The following DISP1 variants were observed in gnomAD, a reference collection of about 807,000 sequenced individuals.
DISP1 encodes dispatched RND transporter family member 1.
In DISP1, 30 loss-of-function variants were observed where a neutral mutation model predicts 37.3. That is an observed-to-expected ratio of 0.80 (90% confidence interval 0.60 to 1.09). The LOEUF (loss-of-function observed/expected upper bound fraction) is 1.09, where lower values mean the gene tolerates loss of function less well. DISP1 is among the 50% of genes least tolerant of loss of function. The pLI, the probability that DISP1 is intolerant of heterozygous loss-of-function variation, is 0.00. For synonymous variants in DISP1, 634 were observed against 690.2 expected, an observed-to-expected ratio of 0.92 and a Z score of 1.28; for missense variants, 1,598 against 1,879.5, an observed-to-expected ratio of 0.85 and a Z score of 2.77.
intron 3 of DISP1, among the ~76,000 whole-genome samples, chr1:222,978,572 GT>G (rs1482165355): frequency 1.3e-5 from 2 of 152,148 alleles, no homozygotes; most frequent in Non-Finnish European, 2.9e-5. Flanking sequence ...TGCTTTTGGT[GT>G]TTTAGACATG....
At chr1:222,983,603 C>A (rs1678005299) in intron 4 of DISP1, among the ~76,000 whole-genome samples, 1 of 151,714 alleles carries the variant, frequency 6.6e-6, no homozygotes, top group South Asian at 2.1e-4. Context: ...GGGGACAGAG[C>A]AAGACTCCAT....
At chr1:222,932,979 G>T (rs79896501) in intron 2 of DISP1, among the ~76,000 whole-genome samples, 1 of 151,854 alleles carries the variant, frequency 6.6e-6, no homozygotes, top group Non-Finnish European at 1.5e-5. Flanking sequence ...TAGACCAAAG[G>T]TACATTGGAT....
intron 1 of DISP1, among the ~76,000 whole-genome samples, chr1:222,855,902 C>CAAAA (rs35483623): frequency 1.8e-4 from 25 of 138,302 alleles, no homozygotes; most frequent in African/African-American, 6.1e-4. Flanking sequence ...TCTCCAGTTT[C>CAAAA]AAAAAAAAAA....
At chr1:222,869,941 C>G (rs1305283181) in intron 1 of DISP1, among the ~76,000 whole-genome samples, 1 of 151,836 alleles carries the variant, frequency 6.6e-6, no homozygotes, top group Non-Finnish European at 1.5e-5. Context: ...CCTCCCCTCT[C>G]CCCCCACCCC....
At chr1:222,933,031 C>A (rs1048839760) in intron 2 of DISP1, among the ~76,000 whole-genome samples, 2 of 151,928 alleles carry the variant, frequency 1.3e-5, no homozygotes, top group African/African-American at 4.8e-5. Flanking sequence ...TTTCTACAAC[C>A]CTGAAATTTC....
At chr1:222,858,284 A>G (rs1668661763) in intron 1 of DISP1, among the ~76,000 whole-genome samples, 1 of 152,178 alleles carries the variant, frequency 6.6e-6, no homozygotes, top group Non-Finnish European at 1.5e-5. Context: ...ATATGCAGAA[A>G]ATTGAAAGTG....
At chr1:222,818,795 A>G (rs1006615249) in intron 1 of DISP1, among the ~76,000 whole-genome samples, 2 of 152,266 alleles carry the variant, frequency 1.3e-5, no homozygotes, top group Admixed American at 1.3e-4. Context: ...TCTACAAAAT[A>G]TGTTTATAGC....
At position 223,005,982 on chromosome 1, in the gene DISP1, C is replaced by T. The variant is rs768674331; in HGVS notation, c.*10C>T. ...AATAAAAACACTATAATAAATGCAG[C>T]ATTCAATTCAGAACCAGTGCCTCAA... On this transcript the variant is annotated 3_prime_UTR_variant, in exon 9 of 9. Transcript: ENST00000675850. 2 of 1,601,886 alleles carry T rather than the reference C, an allele frequency of 1.2e-6. No individual in the cohort carries two copies. The highest frequency in any genetic ancestry group is 1.1e-5 in the South Asian group (1 of 90,494).
intron 3 of DISP1, among the ~76,000 whole-genome samples, chr1:222,945,476 A>G (rs1049905286): frequency 6.6e-6 from 1 of 152,228 alleles, no homozygotes; most frequent in African/African-American, 2.4e-5. Context: ...TTTGAAGCTG[A>G]TACCTCCTCT....
chr1:222,984,359 ACAC>A (rs1299959971), intron 4 of DISP1, among the ~76,000 whole-genome samples: 1 of 145,930 alleles, frequency 6.9e-6, no homozygotes, highest in East Asian at 2.0e-4. Flanking sequence ...TAGCTGAAAT[ACAC>A]CACTACACTC....
chr1:222,891,715 A>T (rs1411139476), intron 1 of DISP1, among the ~76,000 whole-genome samples: 1 of 141,940 alleles, frequency 7.0e-6, no homozygotes, highest in Non-Finnish European at 1.6e-5. Flanking sequence ...GTAAAGTAGG[A>T]TGAGACCTGG....
chr1:222,996,836 A>G (rs946413632), intron 8 of DISP1, among the ~76,000 whole-genome samples: 2 of 152,056 alleles, frequency 1.3e-5, no homozygotes, highest in East Asian at 3.9e-4. Flanking sequence ...TGTTTCCTGT[A>G]TATGCCATTT....
chr1:222,933,324 T>C (rs1673518145), intron 2 of DISP1, among the ~76,000 whole-genome samples: 1 of 151,988 alleles, frequency 6.6e-6, no homozygotes, highest in Admixed American at 6.6e-5. Flanking sequence ...TCTGTCAATA[T>C]ATATCATGTA....
At chr1:222,859,546 A>G (rs151209606) in intron 1 of DISP1, among the ~76,000 whole-genome samples, 21 of 152,384 alleles carry the variant, frequency 1.4e-4, no homozygotes, top group African/African-American at 4.8e-4. Flanking sequence ...TATATCCACA[A>G]AAGAATAACA....
At position 222,943,060 on chromosome 1, in the gene DISP1, C is replaced by T; in HGVS notation, c.237C>T (p.Pro79=). 1.2e-6 allele frequency: 2 copies of T among 1,614,212 alleles called. No individual in the cohort carries two copies. The highest frequency in any genetic ancestry group is 1.7e-6 in the Non-Finnish European group (2 of 1,180,034). The change falls in exon 3 of 9, where the codon CCC becomes CCT. Residue 79 remains proline (P), a synonymous_variant. Transcript: ENST00000675850. ...LDNQRMPQML[P]QCCHPCPYHH... The stretch of plus-strand genomic sequence containing the variant: ...ACCAAAGAATGCCTCAGATGTTACC[C>T]CAATGCTGCCATCCTTGCCCATACC...
intron 1 of DISP1, among the ~76,000 whole-genome samples, chr1:222,858,601 C>T (rs945884359): frequency 8.6e-5 from 13 of 151,978 alleles, no homozygotes; most frequent in African/African-American, 3.1e-4. Flanking sequence ...GTCTAATATC[C>T]AGAATCTACC....
chr1:222,913,888 A>G lies in DISP1; in HGVS notation c.-158-14542A>G, dbSNP rs147837802. ...GTGGGGGTAACTTGTTTTAATTCCA[A>G]ATTTGTACTTAAGTGTGGGAATAGC... On this transcript the variant is annotated intron_variant, in intron 1 of 8. Coordinates refer to ENST00000675850, the MANE Select transcript of DISP1 (RefSeq NM_001377229.1). 6.8e-3 allele frequency among the ~76,000 whole-genome samples: 1,029 copies of G among 152,058 alleles called. 11 individuals are homozygous for G. Among genetic ancestry groups the G allele is most frequent in the African/African-American group, 0.023 (968 of 41,518 alleles).
At chr1:222,961,727 G>T (rs960173556) in intron 3 of DISP1, among the ~76,000 whole-genome samples, 1 of 152,068 alleles carries the variant, frequency 6.6e-6, no homozygotes. Flanking sequence ...CCCCATCATC[G>T]CCAGGCACAG....
At position 222,942,941 on chromosome 1, in the gene DISP1, C is replaced by G; in HGVS notation, c.118C>G (p.Leu40Val). 1 of 1,614,184 alleles carries G rather than the reference C, an allele frequency of 6.2e-7. No individual in the cohort carries two copies. Among genetic ancestry groups the G allele is most frequent in the Non-Finnish European group, 8.5e-7 (1 of 1,180,036 alleles). ...PCDGDHAAQQLTPKEATRTKV... is the reference protein window; with the variant it reads ...PCDGDHAAQQVTPKEATRTKV... ...TGATGGAGACCATGCAGCCCAGCAG[C>G]TCACACCCAAAGAAGCAACAAGAAC... Residue 40 changes from leucine (L) to valine (V), a missense_variant, in exon 3 of 9, where the codon CTC (leucine) becomes GTC (valine). By Grantham distance (32) the Leu-to-Val change is conservative. Coordinates refer to ENST00000675850, the MANE Select transcript of DISP1 (RefSeq NM_001377229.1).
Sources: gnomAD v4.1 joint callset for allele counts (sites outside exome capture counted in the v4.1 genomes callset) on GRCh38, gnomAD v4.1.1 for gene constraint, MANE v1.5 for transcripts, NCBI Gene and HGNC (gene_info 2026-07-23, HGNC 2026-07-21) for gene names.